Variants in BIN3 observed in about 807,000 individuals in gnomAD.
BIN3 encodes bridging integrator 3.
Under a neutral mutation model 38.2 loss-of-function variants are expected in BIN3, and 41 were observed. That is an observed-to-expected ratio of 1.07 (90% CI 0.84 to 1.39). BIN3 has a LOEUF of 1.39. BIN3 is among the 40% of genes most tolerant of loss of function. The pLI is 0.00. For missense variants in BIN3, 361 were observed against 324.3 expected, an observed-to-expected ratio of 1.11 and a Z score of -0.87; for synonymous variants, 145 against 122.6, an observed-to-expected ratio of 1.18 and a Z score of -1.21.
chr8:22,655,632 T>C (rs1269024296), intron 1 of BIN3, among the ~76,000 whole-genome samples: 1 of 152,232 alleles, frequency 6.6e-6, no homozygotes, highest in East Asian at 1.9e-4. Context: ...TACATGTCCA[T>C]CTTGATAACA....
intron 1 of BIN3, among the ~76,000 whole-genome samples, chr8:22,654,475 A>G (rs1802997653): frequency 6.6e-6 from 1 of 152,112 alleles, no homozygotes; most frequent in Non-Finnish European, 1.5e-5. Context: ...GAAACCCCAC[A>G]CCTATTAGCA....
chr8:22,663,917 G>A (rs968917861), intron 1 of BIN3, among the ~76,000 whole-genome samples: 2 of 152,098 alleles, frequency 1.3e-5, no homozygotes, highest in Non-Finnish European at 2.9e-5. Context: ...TTTAGTGATC[G>A]GCTGTCCTTT....
rs1465008066 is a variant in BIN3, at chr8:22,621,447, G to A, written c.737C>T (p.Ala246Val). 6.2e-7 allele frequency: 1 copy of A among 1,613,592 alleles called. No individual in the cohort carries two copies. The highest frequency in any genetic ancestry group is 8.5e-7 in the Non-Finnish European group (1 of 1,179,788). The change falls in exon 9 of 9, where the codon GCC becomes GTC. Residue 246 changes from alanine (A) to valine (V), a missense_variant. By Grantham distance (64) the Ala-to-Val change is moderately conservative. Transcript: ENST00000276416. ...TCAGTCATCGGCCACAATGGAGAGG[G>A]CCCGGAGCTCACTGAGTTTGGCCTC... ...ENEAKLSELR[A>V]LSIVADD
intron 6 of BIN3, among the ~76,000 whole-genome samples, chr8:22,628,536 C>G (rs536433164): frequency 6.6e-6 from 1 of 152,186 alleles, no homozygotes; most frequent in Non-Finnish European, 1.5e-5. Flanking sequence ...CTGCCACGCC[C>G]CCACCTTCCT....
At chr8:22,648,683 T>TTTCCCTACTGC (rs1445235881) in intron 1 of BIN3, among the ~76,000 whole-genome samples, 1 of 152,218 alleles carries the variant, frequency 6.6e-6, no homozygotes, top group African/African-American at 2.4e-5. Context: ...CCCTTCTCCC[T>TTTCCCTACTGC]TTCCCTACTG....
chr8:22,630,343 G>T, intron 5 of BIN3, 99 bp downstream of exon 5: 1 of 1,496,840 alleles, frequency 6.7e-7, no homozygotes, highest in Non-Finnish European at 9.1e-7. Flanking sequence ...AGAGCCCTGA[G>T]AGCAGAGGGA....
At chr8:22,653,221 G>A (rs1031900415) in intron 1 of BIN3, among the ~76,000 whole-genome samples, 2 of 152,106 alleles carry the variant, frequency 1.3e-5, no homozygotes, top group Non-Finnish European at 2.9e-5. Context: ...TGTTAAATCC[G>A]CCAGAAATTT....
At chr8:22,664,870 G>A (rs1803362701) in intron 1 of BIN3, among the ~76,000 whole-genome samples, 1 of 152,240 alleles carries the variant, frequency 6.6e-6, no homozygotes, top group Non-Finnish European at 1.5e-5. Flanking sequence ...AATCATAGGG[G>A]AAAGGACTTC....
At chr8:22,626,106 G>A (rs1801996351) in intron 6 of BIN3, 1 of 152,226 alleles carries the variant, frequency 6.6e-6, no homozygotes, top group South Asian at 2.1e-4. Flanking sequence ...TCTTAACAAG[G>A]TGCTAAGTGG....
chr8:22,624,254 TCTC>T lies in BIN3; in HGVS notation c.445_447del (p.Glu149del). 1 of 1,613,924 alleles carries T rather than the reference TCTC, an allele frequency of 6.2e-7. No homozygotes were observed. The highest frequency in any genetic ancestry group is 1.1e-5 in the South Asian group (1 of 91,070). On this transcript the variant is annotated inframe_deletion, in exon 7 of 9. Coordinates refer to ENST00000276416, the MANE Select transcript of BIN3 (RefSeq NM_018688.6). The stretch of plus-strand genomic sequence containing the variant: ...AGCTTGGCCAGCACTGGCCCCGTCT[TCTC>T]CTTTTCCTCATACTTCTCCACCTTG...
intron 4 of BIN3, 23 bp downstream of exon 4, chr8:22,636,502 G>A: frequency 6.4e-7 from 1 of 1,551,302 alleles, no homozygotes. Flanking sequence ...TCAAGCGAGT[G>A]GTGCGGGTGG....
intron 6 of BIN3, 78 bp downstream of exon 6, chr8:22,629,886 A>G: frequency 2.2e-6 from 3 of 1,373,078 alleles, no homozygotes; most frequent in Non-Finnish European, 3.1e-6. Context: ...GCAGCTAGAA[A>G]TCCTCTTCAG....
intron 1 of BIN3, among the ~76,000 whole-genome samples, chr8:22,649,802 C>T (rs1343986240): frequency 4.4e-5 from 6 of 135,522 alleles, no homozygotes; most frequent in South Asian, 2.4e-4. Flanking sequence ...GATAGAAAAA[C>T]GCAAAGGACA....
chr8:22,638,994 G>C (rs1466727132), intron 2 of BIN3, among the ~76,000 whole-genome samples: 1 of 152,240 alleles, frequency 6.6e-6, no homozygotes, highest in African/African-American at 2.4e-5. Flanking sequence ...TGTCCCAGGG[G>C]ATTTACAAGT....
chr8:22,628,956 G>A (rs1802093847), intron 6 of BIN3, among the ~76,000 whole-genome samples: 1 of 152,256 alleles, frequency 6.6e-6, no homozygotes. Context: ...CCACTCTGGG[G>A]AGGCTGGGGG....
intron 8 of BIN3, among the ~76,000 whole-genome samples, chr8:22,622,322 C>G (rs1420364421): frequency 6.6e-6 from 1 of 152,248 alleles, no homozygotes; most frequent in East Asian, 1.9e-4. Flanking sequence ...TCACTCTAGA[C>G]ATGAGGAGGA....
rs1376308619 is a variant in BIN3, at chr8:22,625,590, C to A, written c.339-1227G>T. On this transcript the variant is annotated intron_variant, in intron 6 of 8. Transcript: ENST00000276416. ...CAGATGTGCCTCTCAAAGGACATGA[C>A]CAGGAATTTGGTTTTGAGACAGAGT... 5.0e-6 allele frequency: 3 copies of A among 598,280 alleles called. No homozygotes were observed. In the African/African-American group the frequency reaches 5.6e-5, roughly 11 times the overall value. The allele number at this position is 598,280 out of a possible 1,614,324, so 37.1% of individuals were successfully genotyped here. A position where few individuals can be genotyped will look rare whatever the true frequency, so the allele number is the denominator to read the frequency against.
rs1418879850 is a variant in BIN3 at position 22,658,310 on chromosome 8, GA to G, written c.8+10733del. 2.6e-5 allele frequency among the ~76,000 whole-genome samples: 4 copies of G among 152,270 alleles called. No individual in the cohort carries two copies. The East Asian group carries it at 7.7e-4, about 29-fold the overall frequency. ...CTGTGTGTACGGAGGGCAAAGGGGG[GA>G]AAGATTCTATTTTCTTTCATAATAA... On this transcript the variant is annotated intron_variant, in intron 1 of 8. Coordinates refer to ENST00000276416, the MANE Select transcript of BIN3 (RefSeq NM_018688.6).
At chr8:22,625,292 A>C (rs1427396409) in intron 6 of BIN3, 5 of 701,910 alleles carry the variant, frequency 7.1e-6, no homozygotes, top group Middle Eastern at 5.0e-4. Context: ...GTGCAATGGC[A>C]GGGGGCGTCT....
Sources: allele counts gnomAD v4.1 joint callset (sites outside exome capture counted in the v4.1 genomes callset), GRCh38; gene constraint gnomAD v4.1.1; transcripts MANE v1.5; gene names NCBI Gene and HGNC (gene_info 2026-07-23, HGNC 2026-07-21).